Variants in ROBO1 observed in about 807,000 individuals in gnomAD.
ROBO1 encodes roundabout guidance receptor 1, also known as roundabout homolog 1.
A neutral mutation model predicts 195.9 loss-of-function variants in ROBO1; 149 were observed. That is an observed-to-expected ratio of 0.76 (90% CI 0.67 to 0.87). The LOEUF (loss-of-function observed/expected upper bound fraction) is 0.87, where lower values mean the gene tolerates loss of function less well. ROBO1 is among the 40% of genes least tolerant of loss of function. ROBO1 has a pLI of 0.00. For synonymous variants in ROBO1, 816 were observed against 733.2 expected, an observed-to-expected ratio of 1.11 and a Z score of -1.82; for missense variants, 1,933 against 2,068.3, an observed-to-expected ratio of 0.93 and a Z score of 1.27.
At chr3:79,621,167 G>C (rs1451785960) in intron 1 of ROBO1, among the ~76,000 whole-genome samples, 3 of 152,064 alleles carry the variant, frequency 2.0e-5, no homozygotes, top group Admixed American at 6.6e-5. Context: ...GGTCTGTACT[G>C]CTGCAAGGCT....
chr3:79,373,802 T>C (rs971819258), intron 2 of ROBO1, among the ~76,000 whole-genome samples: 6 of 152,152 alleles, frequency 3.9e-5, no homozygotes, highest in African/African-American at 1.4e-4. Flanking sequence ...AGGATCTTAG[T>C]TCAATAAAAG....
At chr3:79,723,221 A>T (rs1176690701) in intron 1 of ROBO1, among the ~76,000 whole-genome samples, 10 of 152,078 alleles carry the variant, frequency 6.6e-5, no homozygotes, top group African/African-American at 2.4e-4. Flanking sequence ...CTTACTTATG[A>T]CCTGAAGGCA....
chr3:79,607,787 C>T (rs938157826), intron 1 of ROBO1, among the ~76,000 whole-genome samples: 1 of 151,924 alleles, frequency 6.6e-6, no homozygotes, highest in African/African-American at 2.4e-5. Flanking sequence ...CTCTCTCATG[C>T]TGTCTGTTCA....
At chr3:78,639,595 A>T in intron 22 of ROBO1, 149 bp downstream of exon 22, 1 of 692,722 alleles carries the variant, frequency 1.4e-6, no homozygotes, top group Non-Finnish European at 2.1e-6. Context: ...GAAAATACTT[A>T]AATCAGGCTA....
In ROBO1 at chr3:78,600,182, T is replaced by C. The variant is rs1310354560; in HGVS notation, c.4872A>G (p.Arg1624=). The change falls in exon 30 of 31, where the codon CGA becomes CGG. Residue 1624 remains arginine, a synonymous_variant. Transcript: ENST00000464233. ...GTACCTGCATTTCTGCAATATTTCT[T>C]CGACCTACATTTGCTTGTTCTCTTT... ...SRQREQANVG[R]RNIAEMQVLG... The C allele has an allele frequency of 1.9e-6, 3 of 1,613,530 alleles. No homozygotes were observed. The highest frequency in any genetic ancestry group is 2.5e-6 in the Non-Finnish European group (3 of 1,179,686).
At chr3:78,839,084 A>AT (rs1306848063) in intron 4 of ROBO1, among the ~76,000 whole-genome samples, 1 of 152,144 alleles carries the variant, frequency 6.6e-6, no homozygotes, top group Non-Finnish European at 1.5e-5. Flanking sequence ...TTAGTTGAGA[A>AT]TTCTTGCCCA....
At chr3:79,400,479 T>G (rs77539183) in intron 2 of ROBO1, among the ~76,000 whole-genome samples, 2 of 152,132 alleles carry the variant, frequency 1.3e-5, no homozygotes, top group African/African-American at 4.8e-5. Flanking sequence ...GCAAATCATG[T>G]GCACTTCTAC....
intron 4 of ROBO1, among the ~76,000 whole-genome samples, chr3:78,815,447 A>G (rs1047833686): frequency 6.6e-6 from 1 of 152,176 alleles, no homozygotes; most frequent in Non-Finnish European, 1.5e-5. Flanking sequence ...TGATCTACAT[A>G]GAAAGTCAAA....
chr3:78,687,297 T>C (rs1055083591), intron 9 of ROBO1, among the ~76,000 whole-genome samples: 6 of 152,232 alleles, frequency 3.9e-5, no homozygotes, highest in African/African-American at 1.4e-4. Context: ...TTGTCTTTAA[T>C]TTGCTGTCAG....
intron 10 of ROBO1, among the ~76,000 whole-genome samples, chr3:78,679,937 C>T (rs1230560374): frequency 1.3e-5 from 2 of 152,120 alleles, no homozygotes; most frequent in Non-Finnish European, 2.9e-5. Flanking sequence ...AACTATACTA[C>T]AAGGCTACAG....
chr3:78,683,770 C>T (rs141141552), intron 10 of ROBO1, among the ~76,000 whole-genome samples: 2 of 151,722 alleles, frequency 1.3e-5, no homozygotes, highest in Non-Finnish European at 2.9e-5. Flanking sequence ...ATACCATACA[C>T]AAAAATTAAC....
At chr3:78,877,174 T>C (rs2035903423) in intron 4 of ROBO1, among the ~76,000 whole-genome samples, 1 of 152,146 alleles carries the variant, frequency 6.6e-6, no homozygotes, top group Admixed American at 6.6e-5. Context: ...TTTGTAATAC[T>C]AGACTTGGTA....
At chr3:78,668,346 A>G (rs1707859786) in intron 12 of ROBO1, 44 bp from the exon 13 acceptor site, 2 of 1,608,180 alleles carry the variant, frequency 1.2e-6, no homozygotes, top group Admixed American at 1.7e-5. Flanking sequence ...GTTTACACAT[A>G]CACAGATAAG....
chr3:78,909,541 T>G (rs1334798344), intron 4 of ROBO1, among the ~76,000 whole-genome samples: 1 of 151,868 alleles, frequency 6.6e-6, no homozygotes, highest in African/African-American at 2.4e-5. Flanking sequence ...ATCTTTTATC[T>G]AACTACATTT....
rs1057089423 is a variant in ROBO1 at position 79,136,737 on chromosome 3, A to G, written c.89-11198T>C. Reference sequence around the variant, plus strand: ...ACTCAAACTTCTGCTTTAATCATGTATGGCCCAAATAATTGTTGAATGTAC... The same window carrying G: ...ACTCAAACTTCTGCTTTAATCATGTGTGGCCCAAATAATTGTTGAATGTAC... On this transcript the variant is annotated intron_variant, in intron 2 of 30. Coordinates refer to ENST00000464233, the MANE Select transcript of ROBO1 (RefSeq NM_002941.4). Among the ~76,000 whole-genome samples, 41 of 152,092 alleles carry G rather than the reference A, an allele frequency of 2.7e-4. 1 individual carries two copies.
intron 2 of ROBO1, among the ~76,000 whole-genome samples, chr3:79,373,271 G>T (rs1211722048): frequency 6.6e-6 from 1 of 151,648 alleles, no homozygotes; most frequent in Non-Finnish European, 1.5e-5. Context: ...TTGTTAATAT[G>T]TAAAACACGT....
intron 2 of ROBO1, among the ~76,000 whole-genome samples, chr3:79,151,913 T>A (rs1471921066): frequency 6.6e-6 from 1 of 151,900 alleles, no homozygotes; most frequent in Non-Finnish European, 1.5e-5. Flanking sequence ...AACATTGATA[T>A]CTGATTCCAT....
At chr3:79,587,549 A>G (rs1194960168) in intron 2 of ROBO1, among the ~76,000 whole-genome samples, 1 of 151,708 alleles carries the variant, frequency 6.6e-6, no homozygotes, top group Non-Finnish European at 1.5e-5. Flanking sequence ...TTATTATTAG[A>G]AATACATTTC....
intron 1 of ROBO1, among the ~76,000 whole-genome samples, chr3:79,737,856 A>T (rs1455566344): frequency 6.6e-6 from 1 of 152,188 alleles, no homozygotes; most frequent in Non-Finnish European, 1.5e-5. Flanking sequence ...GTCTTTCTGC[A>T]ATTCTAAGAA....
Sources: allele counts gnomAD v4.1 joint callset (sites outside exome capture counted in the v4.1 genomes callset), GRCh38; gene constraint gnomAD v4.1.1; transcripts MANE v1.5; gene names NCBI Gene and HGNC (gene_info 2026-07-23, HGNC 2026-07-21).